Variants in UBASH3B observed in about 807,000 individuals in gnomAD.
UBASH3B encodes the protein ubiquitin-associated and SH3 domain-containing protein B.
A neutral mutation model predicts 83.4 loss-of-function variants in UBASH3B; 37 were observed. That is an observed-to-expected ratio of 0.44 (90% CI 0.34 to 0.58). UBASH3B has a LOEUF of 0.58. UBASH3B is among the 20% of genes least tolerant of loss of function. The pLI, the probability that UBASH3B is intolerant of heterozygous loss-of-function variation, is 0.01. For synonymous variants in UBASH3B, 304 were observed against 318.3 expected (o/e 0.96, Z 0.48); for missense variants, 657 against 827.2 (o/e 0.79, Z 2.52).
chr11:122,791,348 A>G (rs1354195705), intron 6 of UBASH3B, among the ~76,000 whole-genome samples: 1 of 152,204 alleles, frequency 6.6e-6, no homozygotes, highest in African/African-American at 2.4e-5. Context: ...TTGCTCATCT[A>G]GAAAATGGAA....
intron 9 of UBASH3B, 24 bp from the exon 10 acceptor site, chr11:122,798,918 A>AT (rs1157676517): frequency 3.1e-6 from 5 of 1,609,184 alleles, no homozygotes; most frequent in South Asian, 2.2e-5. Context: ...CATCAGACTG[A>AT]TTTTTTTGTG....
intron 1 of UBASH3B, among the ~76,000 whole-genome samples, chr11:122,740,339 A>G (rs1488379650): frequency 6.6e-6 from 1 of 152,208 alleles, no homozygotes; most frequent in Admixed American, 6.5e-5. Flanking sequence ...TCCCAGGTGA[A>G]GAAAAGGGGA....
chr11:122,742,799 A>C (rs1861047963), intron 1 of UBASH3B, among the ~76,000 whole-genome samples: 1 of 152,242 alleles, frequency 6.6e-6, no homozygotes, highest in Admixed American at 6.5e-5. Context: ...ATTCACCCCC[A>C]GAAATGTCAT....
At chr11:122,797,964 G>A (rs1346891737) in intron 9 of UBASH3B, among the ~76,000 whole-genome samples, 2 of 152,284 alleles carry the variant, frequency 1.3e-5, no homozygotes, top group Middle Eastern at 3.4e-3. Context: ...ATATTAAGGT[G>A]TTTGGATTTA....
intron 1 of UBASH3B, among the ~76,000 whole-genome samples, chr11:122,734,886 A>T (rs1381406609): frequency 6.6e-6 from 1 of 151,790 alleles, no homozygotes; most frequent in Non-Finnish European, 1.5e-5. Flanking sequence ...GCATTTTCAG[A>T]TCTGTCTTTT....
At chr11:122,807,762 C>T (rs112580964) in intron 12 of UBASH3B, among the ~76,000 whole-genome samples, 3,513 of 152,178 alleles carry the variant, frequency 0.023, 54 homozygotes, top group Middle Eastern at 0.061. Flanking sequence ...CTATGTTGCT[C>T]AGGCTGGTCT....
intron 13 of UBASH3B, 54 bp from the exon 14 acceptor site, chr11:122,809,695 T>G (rs1861404605): frequency 1.3e-6 from 2 of 1,591,164 alleles, no homozygotes; most frequent in African/African-American, 1.3e-5. Flanking sequence ...AGGTAAAAGT[T>G]AAAGCATTAA....
chr11:122,692,845 A>G (rs930862546), intron 1 of UBASH3B, among the ~76,000 whole-genome samples: 1 of 152,228 alleles, frequency 6.6e-6, no homozygotes, highest in Admixed American at 6.5e-5. Flanking sequence ...GGACAAGTGC[A>G]TTTGTGATTA....
At chr11:122,718,979 G>T (rs1860577543) in intron 1 of UBASH3B, among the ~76,000 whole-genome samples, 1 of 152,188 alleles carries the variant, frequency 6.6e-6, no homozygotes, top group Non-Finnish European at 1.5e-5. Flanking sequence ...TGGGGCTGCA[G>T]TGAGCCATGA....
intron 1 of UBASH3B, among the ~76,000 whole-genome samples, chr11:122,734,863 A>G (rs1253938841): frequency 6.6e-6 from 1 of 152,112 alleles, no homozygotes; most frequent in Non-Finnish European, 1.5e-5. Context: ...TCTGTGTCAA[A>G]ACGTTTCCCT....
At position 122,808,265 on chromosome 11, in the gene UBASH3B, T is replaced by A. The variant is rs1033854222; in HGVS notation, c.1812+89T>A. On this transcript the variant is annotated intron_variant, in intron 13 of 13. Coordinates refer to ENST00000284273, the MANE Select transcript of UBASH3B (RefSeq NM_032873.5). ...GCTGATTACCAAGTTCTTTGAAGCA[T>A]GTGTTTATGCTGAGCTGGGAATATT... The A allele has an allele frequency of 2.1e-5, 22 of 1,033,048 alleles. No homozygotes were observed. The Admixed American group carries it at 2.9e-4, about 14-fold the overall frequency. 64.0% of individuals were successfully genotyped at this position (1,033,048 alleles called of 1,614,324 possible).
intron 1 of UBASH3B, among the ~76,000 whole-genome samples, chr11:122,684,394 G>T (rs1244530330): frequency 6.6e-6 from 1 of 152,164 alleles, no homozygotes; most frequent in Non-Finnish European, 1.5e-5. Context: ...AGGAATGGTG[G>T]TATATTGTGA....
At chr11:122,725,342 A>AAAAAAAAAAAAAAAAAAAAG (rs71281633) in intron 1 of UBASH3B, among the ~76,000 whole-genome samples, 4 of 130,780 alleles carry the variant, frequency 3.1e-5, no homozygotes, top group Admixed American at 1.7e-4. Context: ...AAAAAAAAAA[A>AAAAAAAAAAAAAAAAAAAAG]AAGAAAAGAA....
chr11:122,725,658 TG>T (rs1390132683), intron 1 of UBASH3B, among the ~76,000 whole-genome samples: 5 of 152,158 alleles, frequency 3.3e-5, no homozygotes, highest in African/African-American at 4.8e-5. Flanking sequence ...GGAGGAAAAG[TG>T]GGGCTCCATT....
At chr11:122,743,707 G>T (rs559319313) in intron 1 of UBASH3B, among the ~76,000 whole-genome samples, 1 of 152,324 alleles carries the variant, frequency 6.6e-6, no homozygotes, top group African/African-American at 2.4e-5. Flanking sequence ...TTTCACTTTG[G>T]AGTGGGGTTG....
At chr11:122,696,558 G>C (rs1423444853) in intron 1 of UBASH3B, among the ~76,000 whole-genome samples, 1 of 151,964 alleles carries the variant, frequency 6.6e-6, no homozygotes, top group Non-Finnish European at 1.5e-5. Flanking sequence ...TGATCCACCT[G>C]GTACTCCTAA....
At chr11:122,766,510 A>G (rs1292737707) in intron 1 of UBASH3B, among the ~76,000 whole-genome samples, 1 of 152,116 alleles carries the variant, frequency 6.6e-6, no homozygotes, top group Admixed American at 6.5e-5. Flanking sequence ...GCGCCACTGC[A>G]CTCCAGCCTG....
chr11:122,690,191 TA>T (rs1565530248), intron 1 of UBASH3B, among the ~76,000 whole-genome samples: 375 of 27,446 alleles, frequency 0.014, 16 homozygotes, highest in East Asian at 0.051. Context: ...TATATATATA[TA>T]TATATATATA....
intron 11 of UBASH3B, among the ~76,000 whole-genome samples, chr11:122,805,272 G>A (rs558982527): frequency 1.8e-4 from 27 of 152,340 alleles, no homozygotes; most frequent in Admixed American, 9.8e-4. Context: ...GCTCATGCCT[G>A]TAATCCCAGC....
Sources: gnomAD v4.1 joint callset for allele counts (sites outside exome capture counted in the v4.1 genomes callset) on GRCh38, gnomAD v4.1.1 for gene constraint, MANE v1.5 for transcripts, NCBI Gene and HGNC (gene_info 2026-07-23, HGNC 2026-07-21) for gene names.